The following GADL1 variants were observed in gnomAD, a reference collection of about 807,000 sequenced individuals.
The protein encoded by GADL1 is acidic amino acid decarboxylase GADL1.
GADL1 carries 71 observed loss-of-function variants against 69.5 expected under a neutral mutation model. The observed-to-expected ratio is 1.02, with a 90% CI of 0.84 to 1.25. The LOEUF (loss-of-function observed/expected upper bound fraction) is 1.25. Among genes scored for constraint, GADL1 ranks in the 50% most tolerant of loss-of-function variants. The pLI is 0.00. For missense variants in GADL1, 737 were observed against 631.8 expected, an observed-to-expected ratio of 1.17 and a Z score of -1.79; for synonymous variants, 254 against 214.4, an observed-to-expected ratio of 1.18 and a Z score of -1.62.
intron 1 of GADL1, among the ~76,000 whole-genome samples, chr3:30,869,497 G>A (rs1698450337): frequency 6.6e-6 from 1 of 151,782 alleles, no homozygotes; most frequent in Admixed American, 6.6e-5. Flanking sequence ...CTAGCCCTGT[G>A]ATTTGATAGA....
At chr3:30,847,982 T>C (rs1260965847) in intron 6 of GADL1, among the ~76,000 whole-genome samples, 2 of 152,070 alleles carry the variant, frequency 1.3e-5, no homozygotes, top group African/African-American at 4.8e-5. Flanking sequence ...AAATGAAGAA[T>C]GAAAAAGGCA....
At chr3:30,886,882 A>G (rs538285515) in intron 1 of GADL1, among the ~76,000 whole-genome samples, 1 of 152,042 alleles carries the variant, frequency 6.6e-6, no homozygotes, top group Admixed American at 6.5e-5. Flanking sequence ...TCACAAATGC[A>G]GTCTGCTACT....
At chr3:30,775,645 A>T (rs1231117519) in intron 14 of GADL1, among the ~76,000 whole-genome samples, 1 of 152,162 alleles carries the variant, frequency 6.6e-6, no homozygotes, top group African/African-American at 2.4e-5. Context: ...CATGGTTGTA[A>T]ATGGCAGAAA....
chr3:30,764,345 C>G (rs901667919), intron 14 of GADL1, among the ~76,000 whole-genome samples: 1 of 151,298 alleles, frequency 6.6e-6, no homozygotes, highest in African/African-American at 2.4e-5. Context: ...AGAAACCATG[C>G]AAAATTTGTT....
intron 11 of GADL1, among the ~76,000 whole-genome samples, chr3:30,813,631 A>C (rs1298930927): frequency 6.6e-6 from 1 of 152,230 alleles, no homozygotes; most frequent in East Asian, 1.9e-4. Flanking sequence ...CATTCTTGAG[A>C]GGTCTGGCCT....
intron 6 of GADL1, among the ~76,000 whole-genome samples, chr3:30,849,750 T>C (rs1393585367): frequency 6.6e-6 from 1 of 152,064 alleles, no homozygotes; most frequent in African/African-American, 2.4e-5. Context: ...ACTTTCAAAT[T>C]AAATATTCTT....
chr3:30,753,631 T>A (rs1695889257), intron 14 of GADL1, among the ~76,000 whole-genome samples: 1 of 121,928 alleles, frequency 8.2e-6, no homozygotes, highest in South Asian at 2.8e-4. Context: ...GTACTTAAGA[T>A]CACTCTTGTT....
In GADL1 at chr3:30,851,670, G is replaced by T. The variant is rs577757461; in HGVS notation, c.429-729C>A. ...CCTGATAACTGCTGGAGATGTAAAG[G>T]CCTAGCCGTCTGGGCCTAACTCCAG... On this transcript the variant is annotated intron_variant, in intron 4 of 14. Transcript: ENST00000282538. Among the ~76,000 whole-genome samples, 4 of 152,158 alleles carry T rather than the reference G, an allele frequency of 2.6e-5. No individual in the cohort carries two copies. The East Asian group carries it at 5.8e-4, about 22-fold the overall frequency.
intron 11 of GADL1, among the ~76,000 whole-genome samples, chr3:30,826,839 A>G (rs183948010): frequency 7.9e-5 from 12 of 152,012 alleles, no homozygotes; most frequent in Admixed American, 4.6e-4. Context: ...GAAAAAGGAA[A>G]CCATGAGTCA....
intron 1 of GADL1, among the ~76,000 whole-genome samples, chr3:30,862,783 A>G (rs1183950370): frequency 1.3e-5 from 2 of 151,950 alleles, no homozygotes; most frequent in African/African-American, 4.8e-5. Flanking sequence ...ACACATGAAT[A>G]TGTTTCTCCA....
intron 12 of GADL1, among the ~76,000 whole-genome samples, chr3:30,786,732 A>G (rs929483994): frequency 1.3e-5 from 2 of 152,132 alleles, no homozygotes; most frequent in Non-Finnish European, 2.9e-5. Context: ...TAAATGGGGG[A>G]TTTAACCATA....
At chr3:30,772,550 T>C (rs541563575) in intron 14 of GADL1, among the ~76,000 whole-genome samples, 2 of 152,270 alleles carry the variant, frequency 1.3e-5, no homozygotes, top group South Asian at 4.1e-4. Context: ...GAAGCAAAGA[T>C]ACAAACTTAT....
At chr3:30,892,493 TGTG>T (rs1698799266) in intron 1 of GADL1, among the ~76,000 whole-genome samples, 1 of 152,196 alleles carries the variant, frequency 6.6e-6, no homozygotes, top group Admixed American at 6.5e-5. Context: ...ACCCAAGAAT[TGTG>T]GTGTTTTCAG....
Position 30,861,696 on chromosome 3 carries a change from T to C in GADL1, c.107A>G (p.Asn36Ser). The C allele has an allele frequency of 1.3e-6, 2 of 1,549,852 alleles. No individual in the cohort carries two copies. The highest frequency in any genetic ancestry group is 1.2e-5 in the South Asian group (1 of 83,952). ...AGCTTTTGCATCTGTTGTAGGACCA[T>C]TCAGCACAACCCCATCCACAAGAAC... ...NAVLVDGVVL[N>S]GPTTDAKAGE... Residue 36 changes from asparagine (N) to serine (S), a missense_variant, in exon 2 of 15, where the codon AAT becomes AGT. Transcript: ENST00000282538.
At chr3:30,731,001 A>G (rs1158365382) in intron 14 of GADL1, among the ~76,000 whole-genome samples, 1 of 152,260 alleles carries the variant, frequency 6.6e-6, no homozygotes, top group Non-Finnish European at 1.5e-5. Flanking sequence ...ACTTAGGTTC[A>G]TCATAAAAGT....
At chr3:30,769,973 T>G (rs1323818122) in intron 14 of GADL1, among the ~76,000 whole-genome samples, 1 of 46,796 alleles carries the variant, frequency 2.1e-5, no homozygotes, top group Non-Finnish European at 3.7e-5. Flanking sequence ...CTTACCAATA[T>G]TGAAAACATT....
At chr3:30,741,093 T>TTA (rs58904519) in intron 14 of GADL1, among the ~76,000 whole-genome samples, 25,132 of 104,048 alleles carry the variant, frequency 0.24, 3,972 homozygotes, top group African/African-American at 0.47. Context: ...GGTGTTTGTA[T>TTA]TATATATATG....
chr3:30,777,931 G>GT (rs547823479), intron 14 of GADL1, among the ~76,000 whole-genome samples: 157 of 152,304 alleles, frequency 1.0e-3, no homozygotes, highest in African/African-American at 3.7e-3. Flanking sequence ...ACTTCCTGAA[G>GT]TACACTGTGA....
chr3:30,741,323 C>A (rs1472290715), intron 14 of GADL1, among the ~76,000 whole-genome samples: 3 of 150,276 alleles, frequency 2.0e-5, no homozygotes, highest in Admixed American at 1.3e-4. Flanking sequence ...ACTTTTAATC[C>A]ATTTAAACAT....
Sources: allele counts gnomAD v4.1 joint callset (sites outside exome capture counted in the v4.1 genomes callset), GRCh38; gene constraint gnomAD v4.1.1; transcripts MANE v1.5; gene names NCBI Gene and HGNC (gene_info 2026-07-23, HGNC 2026-07-21).